KCNN2: variants seen among roughly 807,000 people sequenced by gnomAD.
The protein encoded by KCNN2 is potassium calcium-activated channel subfamily N member 2, also known as small conductance calcium-activated potassium channel protein 2.
A neutral mutation model predicts 55.5 loss-of-function variants in KCNN2; 24 were observed. The ratio of observed to expected loss-of-function variants is 0.43; its 90% confidence interval spans 0.31 to 0.61. KCNN2 has a LOEUF of 0.61. Ranked by LOEUF, KCNN2 falls within the 20% of genes least tolerant of loss-of-function variation. The pLI is 0.08. For missense variants in KCNN2, 754 were observed against 853.6 expected, an observed-to-expected ratio of 0.88 and a Z score of 1.45; for synonymous variants, 431 against 336.1, an observed-to-expected ratio of 1.28 and a Z score of -3.09.
chr5:114,471,957 TCTA>T (rs1435842703), intron 4 of KCNN2, among the ~76,000 whole-genome samples: 1 of 152,170 alleles, frequency 6.6e-6, no homozygotes, highest in East Asian at 1.9e-4. Flanking sequence ...CTAAATCACA[TCTA>T]CTTTCTGTGC....
At chr5:114,306,055 G>A (rs1756262914) in intron 2 of KCNN2, among the ~76,000 whole-genome samples, 1 of 152,160 alleles carries the variant, frequency 6.6e-6, no homozygotes, top group Non-Finnish European at 1.5e-5. Flanking sequence ...GGTGATCAAG[G>A]TTTCTATAGA....
intron 2 of KCNN2, among the ~76,000 whole-genome samples, chr5:114,318,894 C>T (rs1030198377): frequency 6.6e-6 from 1 of 152,014 alleles, no homozygotes; most frequent in African/African-American, 2.4e-5. Context: ...TCTCACTGAA[C>T]TATTTCAGTA....
intron 2 of KCNN2, among the ~76,000 whole-genome samples, chr5:114,287,132 G>A (rs1478879778): frequency 6.6e-6 from 1 of 152,158 alleles, no homozygotes; most frequent in Non-Finnish European, 1.5e-5. Flanking sequence ...GACCAAAAGA[G>A]TAGAGGGTGA....
chr5:114,119,427 A>C (rs1423528863), intron 1 of KCNN2, among the ~76,000 whole-genome samples: 1 of 152,186 alleles, frequency 6.6e-6, no homozygotes, highest in Admixed American at 6.5e-5. Flanking sequence ...ATTCTTTTTC[A>C]AATTAAAGAA....
At position 114,255,183 on chromosome 5, in the gene KCNN2, G is replaced by A. The variant is rs1754957686; in HGVS notation, c.-185+33618G>A. ...GTATACAAAGAGAAAAATGCCAGAT[G>A]TCTTCCCTCAAGGAGTTTATCACCC... On this transcript the variant is annotated intron_variant, in intron 2 of 10. Transcript: ENST00000512097. Among the ~76,000 whole-genome samples, 4 of 152,262 alleles carry A rather than the reference G, an allele frequency of 2.6e-5. No homozygotes were observed. In the South Asian group the frequency reaches 8.3e-4, roughly 32 times the overall value.
In KCNN2 at chr5:114,496,422, C is replaced by T. The variant is rs1748127277; in HGVS notation, c.*240C>T. ...ATTGTTCCTCCTGTAATTTCACTAA[C>T]TTTTTATTCATGCACTTCAAACAAA... On this transcript the variant is annotated 3_prime_UTR_variant, in exon 8 of 8. Coordinates refer to ENST00000673685, the MANE Select transcript of KCNN2 (RefSeq NM_021614.4). The T allele has an allele frequency of 2.3e-6, 1 of 427,660 alleles. No homozygotes were observed. The highest frequency in any genetic ancestry group is 4.1e-6 in the Non-Finnish European group (1 of 243,456). 26.5% of individuals were successfully genotyped at this position (427,660 alleles called of 1,614,324 possible). A position where few individuals can be genotyped will look rare whatever the true frequency, so the allele number is the denominator to read the frequency against.
intron 3 of KCNN2, among the ~76,000 whole-genome samples, chr5:114,406,870 T>C (rs927692771): frequency 6.6e-6 from 1 of 152,122 alleles, no homozygotes; most frequent in African/African-American, 2.4e-5. Flanking sequence ...AAGAGAGATA[T>C]TTTTGAGATC....
At chr5:114,168,304 G>C (rs569622300) in intron 1 of KCNN2, among the ~76,000 whole-genome samples, 1 of 151,810 alleles carries the variant, frequency 6.6e-6, no homozygotes, top group South Asian at 2.1e-4. Context: ...CTAATACCAT[G>C]TTTTACTTTA....
chr5:114,356,396 A>T (rs960154189), intron 2 of KCNN2, among the ~76,000 whole-genome samples: 1 of 152,158 alleles, frequency 6.6e-6, no homozygotes, highest in South Asian at 2.1e-4. Context: ...CTAGCTGCCA[A>T]AGGATATTTG....
chr5:114,098,018 G>A (rs1295725220), intron 1 of KCNN2, among the ~76,000 whole-genome samples: 1 of 152,164 alleles, frequency 6.6e-6, no homozygotes, highest in Non-Finnish European at 1.5e-5. Context: ...GTGTCGGAAA[G>A]GCTGGTTCAC....
chr5:114,244,168 A>C (rs756387181), intron 2 of KCNN2, among the ~76,000 whole-genome samples: 1 of 152,170 alleles, frequency 6.6e-6, no homozygotes, highest in Non-Finnish European at 1.5e-5. Context: ...CAGTCTCTAA[A>C]TTCTAGAACT....
At chr5:114,328,055 C>G (rs1362462042) in intron 2 of KCNN2, among the ~76,000 whole-genome samples, 1 of 152,140 alleles carries the variant, frequency 6.6e-6, no homozygotes, top group Non-Finnish European at 1.5e-5. Context: ...ATGTTATGTA[C>G]TTTATTAAGG....
intron 1 of KCNN2, among the ~76,000 whole-genome samples, chr5:114,198,334 A>ATATATACGTG (rs1561519151): frequency 2.5e-4 from 37 of 150,296 alleles, no homozygotes; most frequent in African/African-American, 8.5e-4. Context: ...TCATATATAT[A>ATATATACGTG]TATATATACG....
rs926610655 is a variant in KCNN2 at position 114,232,004 on chromosome 5, T to C, written c.-185+10439T>C. 2.6e-5 allele frequency among the ~76,000 whole-genome samples: 4 copies of C among 151,164 alleles called. 1 individual carries two copies. Among genetic ancestry groups the C allele is most frequent in the Admixed American group, 2.0e-4 (3 of 15,226 alleles). ...CAAAGCGTTGAATTCATTTTAAAAA[T>C]ATACTTTTAATCTACTGATTTTTTT... On this transcript the variant is annotated intron_variant, in intron 2 of 10. Transcript: ENST00000512097.
intron 2 of KCNN2, among the ~76,000 whole-genome samples, chr5:114,243,735 A>G (rs1257527854): frequency 1.3e-5 from 2 of 152,222 alleles, no homozygotes; most frequent in Non-Finnish European, 2.9e-5. Flanking sequence ...CATAGTATAT[A>G]CAAGGTTTGG....
At chr5:114,363,420 C>T (rs1757506235) in intron 1 of KCNN2, among the ~76,000 whole-genome samples, 159 bp downstream of exon 1, 1 of 152,212 alleles carries the variant, frequency 6.6e-6, no homozygotes, top group Non-Finnish European at 1.5e-5. Context: ...CATCCGTAGT[C>T]AGCTAAACAA....
At chr5:114,084,723 TA>T (rs976767755) in intron 1 of KCNN2, among the ~76,000 whole-genome samples, 1 of 152,028 alleles carries the variant, frequency 6.6e-6, no homozygotes, top group African/African-American at 2.4e-5. Context: ...GGTGTTTATC[TA>T]AAAAGTCATC....
intron 3 of KCNN2, among the ~76,000 whole-genome samples, chr5:114,443,240 G>A (rs960322644): frequency 4.0e-5 from 6 of 151,264 alleles, no homozygotes; most frequent in Non-Finnish European, 7.4e-5. Flanking sequence ...GCAGTGAGCC[G>A]AGATCATGCC....
At chr5:114,322,076 C>G (rs769643618) in intron 2 of KCNN2, among the ~76,000 whole-genome samples, 1 of 152,196 alleles carries the variant, frequency 6.6e-6, no homozygotes, top group East Asian at 1.9e-4. Context: ...ACTGGAAGTT[C>G]TCTCCAATAT....
Sources: gnomAD v4.1 joint callset for allele counts (sites outside exome capture counted in the v4.1 genomes callset) on GRCh38, gnomAD v4.1.1 for gene constraint, MANE v1.5 for transcripts, NCBI Gene and HGNC (gene_info 2026-07-23, HGNC 2026-07-21) for gene names.